The following PCDHGA5 variants were observed in gnomAD, a reference collection of about 807,000 sequenced individuals.
PCDHGA5 encodes protocadherin gamma-A5.
A neutral mutation model predicts 56.7 loss-of-function variants in PCDHGA5; 36 were observed. The ratio of observed to expected loss-of-function variants is 0.64; its 90% CI spans 0.49 to 0.84. The LOEUF (loss-of-function observed/expected upper bound fraction) is 0.84, where lower values mean the gene tolerates loss of function less well. PCDHGA5 is among the 40% of genes least tolerant of loss of function. PCDHGA5 has a pLI of 0.00. For synonymous variants in PCDHGA5, 563 were observed against 520.2 expected (o/e 1.08, Z -1.12); for missense variants, 1,305 against 1,201.5 (o/e 1.09, Z -1.27).
Position 141,490,156 on chromosome 5 carries a change from G to T in PCDHGA5, c.2422-4651G>T. On this transcript the variant is annotated intron_variant, in intron 1 of 3. Coordinates refer to ENST00000518069, the MANE Select transcript of PCDHGA5 (RefSeq NM_018918.3). The surrounding 1 kb of genome is among the most constrained non-coding windows in gnomAD (Gnocchi z 5.4). ...TAGCAGTGGGGCAATCCATGTGTTG[G>T]GTCCCATAGACTTTGAGGAGTCACG... is the stretch of plus-strand genomic sequence containing the variant. 3.1e-6 allele frequency: 5 copies of T among 1,614,192 alleles called. No individual in the cohort carries two copies. Among genetic ancestry groups the T allele is most frequent in the Non-Finnish European group, 4.2e-6 (5 of 1,180,034 alleles).
chr5:141,483,661 T>TGTGTGA (rs1357903548), intron 1 of PCDHGA5, among the ~76,000 whole-genome samples: 7 of 152,042 alleles, frequency 4.6e-5, no homozygotes, highest in African/African-American at 1.7e-4. Context: ...TGTGTGTGTG[T>TGTGTGA]GTGTGTGTAA....
rs771162471 is a variant in PCDHGA5, at chr5:141,376,386, T to G, written c.2421+9635T>G. 81 of 1,614,116 alleles carry G rather than the reference T, an allele frequency of 5.0e-5. No individual in the cohort carries two copies. The highest frequency in any genetic ancestry group is 4.2e-4 in the South Asian group (38 of 91,094). On this transcript the variant is annotated intron_variant, in intron 1 of 3. Transcript: ENST00000518069. ...ACTGCAGACTCGCGTAAGAGTCATC[T>G]GATTTTCCCCCAGCCCAACTATGCC...
chr5:141,421,243 C>T (rs201273667), intron 1 of PCDHGA5: 12 of 1,601,540 alleles, frequency 7.5e-6, no homozygotes, highest in Non-Finnish European at 1.0e-5. Flanking sequence ...GAATCGGCTA[C>T]AGCGCGGGGA....
intron 1 of PCDHGA5, chr5:141,484,904 C>A: frequency 2.5e-6 from 1 of 405,682 alleles, no homozygotes; most frequent in Non-Finnish European, 4.4e-6. Context: ...TCCAATGCTG[C>A]GACGCATTAA....
intron 1 of PCDHGA5, chr5:141,428,180 C>G (rs780780274): frequency 1.3e-6 from 2 of 1,486,274 alleles, no homozygotes; most frequent in East Asian, 2.3e-5. Flanking sequence ...TGACGGAGGA[C>G]AGCCGCCGCT....
intron 1 of PCDHGA5, chr5:141,394,715 C>T (rs776573423): frequency 6.2e-7 from 1 of 1,613,304 alleles, no homozygotes; most frequent in African/African-American, 1.3e-5. Flanking sequence ...CCCTGCTGGA[C>T]AGAGATGCGC....
At chr5:141,470,037 G>C (rs76537989) in intron 1 of PCDHGA5, among the ~76,000 whole-genome samples, 14 of 152,138 alleles carry the variant, frequency 9.2e-5, no homozygotes, top group Non-Finnish European at 1.5e-4. Flanking sequence ...GCTGAGGCGC[G>C]AGAACTGTTT....
chr5:141,418,767 C>T (rs770275597), intron 1 of PCDHGA5: 1 of 1,613,850 alleles, frequency 6.2e-7, no homozygotes, highest in Non-Finnish European at 8.5e-7. Flanking sequence ...AACATTCTAA[C>T]TCAGCAGCCT....
intron 1 of PCDHGA5, chr5:141,441,629 G>T: frequency 4.5e-6 from 1 of 224,156 alleles, no homozygotes; most frequent in Non-Finnish European, 9.0e-6. Flanking sequence ...GTGACCTGGA[G>T]CCACAGGCGC....
intron 1 of PCDHGA5, among the ~76,000 whole-genome samples, chr5:141,452,375 G>A (rs1239059045): frequency 2.0e-5 from 3 of 152,194 alleles, no homozygotes; most frequent in African/African-American, 7.2e-5. Context: ...TTTTAGTAGG[G>A]AATAGTATTT....
chr5:141,494,937 G>C (rs759078748), intron 2 of PCDHGA5, 72 bp downstream of exon 2: 1 of 1,612,276 alleles, frequency 6.2e-7, no homozygotes, highest in African/African-American at 1.3e-5. Flanking sequence ...GAGGAGATGG[G>C]GGAGGGCCCA....
At chr5:141,415,740 G>GTTTTTTT (rs57426385) in intron 1 of PCDHGA5, 164 of 624,990 alleles carry the variant, frequency 2.6e-4, no homozygotes, top group African/African-American at 5.0e-4. Flanking sequence ...GTTTATTAAG[G>GTTTTTTT]TTTTTTTTTT....
At chr5:141,400,079 C>A in intron 1 of PCDHGA5, 1 of 1,614,042 alleles carries the variant, frequency 6.2e-7, no homozygotes, top group East Asian at 2.2e-5. Flanking sequence ...CCGCCACTCT[C>A]CGCCACCGCC....
Position 141,383,803 on chromosome 5 carries a change from T to C in PCDHGA5, c.2421+17052T>C, listed in dbSNP as rs141242913. 756 of 1,613,958 alleles carry C rather than the reference T, an allele frequency of 4.7e-4. 3 individuals carry two copies. The highest frequency in any genetic ancestry group is 8.2e-4 in the Middle Eastern group (5 of 6,062). ...TCTGAACTCGCTTACAGGAGAAATA[T>C]CAACTTTAGAAGGATTAGATTATGA... On this transcript the variant is annotated intron_variant, in intron 1 of 3. Transcript: ENST00000518069.
At chr5:141,465,768 C>T (rs1414064889) in intron 1 of PCDHGA5, among the ~76,000 whole-genome samples, 1 of 151,916 alleles carries the variant, frequency 6.6e-6, no homozygotes, top group Non-Finnish European at 1.5e-5. Flanking sequence ...CATGTTTCAT[C>T]TCTTGTTACA....
chr5:141,428,794 T>C (rs2097161574), intron 1 of PCDHGA5: 1 of 152,852 alleles, frequency 6.5e-6, no homozygotes, highest in African/African-American at 2.4e-5. Context: ...CCTTTCTGTG[T>C]GGGCCAGTAA....
chr5:141,396,597 G>A (rs2150671251), intron 1 of PCDHGA5: 1 of 151,620 alleles, frequency 6.6e-6, no homozygotes, highest in Middle Eastern at 3.4e-3. Flanking sequence ...TCCAGCCTGG[G>A]CAACAGGGTG....
chr5:141,431,610 T>A lies in PCDHGA5; in HGVS notation c.2422-63197T>A. The stretch of plus-strand genomic sequence containing the variant: ...GAAGTGAGGTATTCCTTCCGGTATG[T>A]GGACGACAAGGCGGCCCAAGTTTTC... On this transcript the variant is annotated intron_variant, in intron 1 of 3. Transcript: ENST00000518069. The surrounding 1 kb of genome is among the most constrained non-coding windows in gnomAD (Gnocchi z 4.8). 6.2e-7 allele frequency: 1 copy of A among 1,614,238 alleles called. No homozygotes were observed. Among genetic ancestry groups the A allele is most frequent in the Non-Finnish European group, 8.5e-7 (1 of 1,180,034 alleles).
At chr5:141,377,665 G>A (rs1040007479) in intron 1 of PCDHGA5, 1 of 151,618 alleles carries the variant, frequency 6.6e-6, no homozygotes, top group Non-Finnish European at 1.5e-5. Flanking sequence ...AACGACAGAC[G>A]TTCATACAAG....
Sources: gnomAD v4.1 joint callset for allele counts (sites outside exome capture counted in the v4.1 genomes callset) on GRCh38, gnomAD v4.1.1 for gene constraint, Gnocchi (gnomAD v3.1) non-coding constraint, MANE v1.5 for transcripts, NCBI Gene and HGNC (gene_info 2026-07-23, HGNC 2026-07-21) for gene names.